The following HTATSF1 variants were observed in gnomAD, a reference collection of about 807,000 sequenced individuals.
HTATSF1 encodes the protein HIV-1 Tat specific factor 1.
A neutral mutation model predicts 46.1 loss-of-function variants in HTATSF1; 6 were observed. The ratio of observed to expected loss-of-function variants is 0.13; its 90% CI spans 0.07 to 0.26. The LOEUF is 0.26. Among genes scored for constraint, HTATSF1 ranks in the 10% least tolerant of loss-of-function variants. The pLI is 1.00. For synonymous variants in HTATSF1, 226 were observed against 211.5 expected (o/e 1.07, Z -0.60); for missense variants, 452 against 559.9 (o/e 0.81, Z 1.94).
rs748514217 is a variant in HTATSF1 at position 136,497,670 on chromosome X, A to G, written c.-15A>G. ...TTAGTTCTTCTGAACCCTGCTCCTG[A>G]GCTAGGTAGGAAACATGAGCGGCAC... On this transcript the variant is annotated 5_prime_UTR_variant, in exon 1 of 9. Coordinates refer to ENST00000218364, the MANE Select transcript of HTATSF1 (RefSeq NM_014500.5). 1.4e-5 allele frequency: 17 copies of G among 1,175,181 alleles called. No individual in the cohort carries two copies. The highest frequency in any genetic ancestry group is 2.3e-6 in the Non-Finnish European group (2 of 869,363).
Position 136,508,958 on chromosome X carries a change from T to A in HTATSF1, c.835-133T>A, listed in dbSNP as rs141679477. On this transcript the variant is annotated intron_variant, in intron 6 of 8. Transcript: ENST00000218364. ...ATTTGATTTTGAGTTTTTAAAAAAT[T>A]GTATAGAATGAAAAACACAACCTTA... The A allele has an allele frequency of 3.7e-3, 1,778 of 474,448 alleles. 4 individuals carry two copies. Among genetic ancestry groups the A allele is most frequent in the Non-Finnish European group, 5.3e-3 (1,445 of 273,667 alleles). 39.1% of individuals were successfully genotyped at this position (474,448 alleles called of 1,213,427 possible).
upstream of HTATSF1, chrX:136,497,547 T>C: frequency 2.3e-6 from 1 of 433,294 alleles, no homozygotes; most frequent in Non-Finnish European, 3.7e-6. Context: ...CGGGGACTGC[T>C]GGGGCGCAGC....
chrX:136,509,420 G>A (rs759964011), intron 7 of HTATSF1, among the ~76,000 whole-genome samples: 1 of 111,811 alleles, frequency 8.9e-6, no homozygotes, highest in South Asian at 3.7e-4. Context: ...ACATGATCAG[G>A]TGAAAGAAGG....
Position 136,497,660 on chromosome X carries a change from C to G in HTATSF1, c.-25C>G. The G allele has an allele frequency of 2.6e-6, 3 of 1,159,807 alleles. No individual in the cohort carries two copies. Among genetic ancestry groups the G allele is most frequent in the Non-Finnish European group, 3.5e-6 (3 of 858,839 alleles). On this transcript the variant is annotated 5_prime_UTR_variant, in exon 1 of 9. Transcript: ENST00000218364. Reference sequence around the variant, plus strand: ...TTTCGGCCTCTTAGTTCTTCTGAACCCTGCTCCTGAGCTAGGTAGGAAACA... The same window carrying G: ...TTTCGGCCTCTTAGTTCTTCTGAACGCTGCTCCTGAGCTAGGTAGGAAACA...
At position 136,511,315 on chromosome X, in the gene HTATSF1, G is replaced by T; in HGVS notation, c.1570G>T (p.Asp524Tyr). 2 of 1,206,329 alleles carry T rather than the reference G, an allele frequency of 1.7e-6. No individual in the cohort carries two copies. Among genetic ancestry groups the T allele is most frequent in the East Asian group, 5.9e-5 (2 of 33,815 alleles). ...TGGCCTTGCAAAGGAATCTGAAGAT[G>T]ACCTCAACAAGGAGTCTGAAGAGGA... is the stretch of plus-strand genomic sequence containing the variant. Reference protein sequence around the residue: ...ENGLAKESEDDLNKESEEEVG... With the variant: ...ENGLAKESEDYLNKESEEEVG... Residue 524 changes from aspartate to tyrosine, a missense_variant, in exon 9 of 9, where the codon GAC (aspartate) becomes TAC (tyrosine). Coordinates refer to ENST00000218364, the MANE Select transcript of HTATSF1 (RefSeq NM_014500.5).
intron 8 of HTATSF1, 99 bp from the exon 9 acceptor site, chrX:136,510,709 C>CT: frequency 1.1e-6 from 1 of 912,461 alleles, no homozygotes; most frequent in Non-Finnish European, 1.5e-6. Flanking sequence ...ATAAGAGATG[C>CT]TTTATAAAAT....
chrX:136,510,317 A>T, intron 8 of HTATSF1, 98 bp downstream of exon 8: 1 of 623,640 alleles, frequency 1.6e-6, no homozygotes, highest in East Asian at 3.9e-5. Flanking sequence ...AACCTATTTA[A>T]TGTAACAATG....
chrX:136,500,295 G>A (rs2075712313), intron 3 of HTATSF1, 90 bp downstream of exon 3: 1 of 616,093 alleles, frequency 1.6e-6, no homozygotes, highest in Admixed American at 3.1e-5. Flanking sequence ...AGTTTCTCCA[G>A]AGTCCATTTT....
upstream of HTATSF1, chrX:136,497,509 G>A: frequency 3.5e-6 from 1 of 286,905 alleles, no homozygotes; most frequent in Non-Finnish European, 6.0e-6. Flanking sequence ...GAGGGGGGCG[G>A]TGCAGCCGCC....
intron 8 of HTATSF1, among the ~76,000 whole-genome samples, chrX:136,510,499 A>C (rs776163831): frequency 9.8e-4 from 110 of 112,675 alleles, no homozygotes; most frequent in African/African-American, 3.4e-3. Context: ...TAAGAAAAGA[A>C]CACATTCAAC....
intron 4 of HTATSF1, 29 bp downstream of exon 4, chrX:136,500,847 G>A: frequency 3.0e-6 from 3 of 1,016,780 alleles, no homozygotes; most frequent in Non-Finnish European, 3.9e-6. Flanking sequence ...TAAGTTTCTT[G>A]TATCTTCGTT....
Position 136,508,265 on chromosome X carries a change from A to T in HTATSF1, c.835-826A>T, listed in dbSNP as rs183948971. On this transcript the variant is annotated intron_variant, in intron 6 of 8. Transcript: ENST00000218364. ...AGTCACCTTCAATAGAAATTTGTAG[A>T]TAGGATATCTTCATTTATATTTGTA... Among the ~76,000 whole-genome samples the T allele has an allele frequency of 1.2e-4, 13 of 112,426 alleles. No homozygotes were observed. The East Asian group carries it at 3.6e-3, about 31-fold the overall frequency.
At chrX:136,500,391 A>G (rs1364959854) in intron 3 of HTATSF1, among the ~76,000 whole-genome samples, 186 bp downstream of exon 3, 1 of 112,030 alleles carries the variant, frequency 8.9e-6, no homozygotes, top group African/African-American at 3.2e-5. Context: ...TTAGTGTGTA[A>G]CTTTGCATAC....
chrX:136,503,875 A>AT (rs1432515880), intron 5 of HTATSF1, among the ~76,000 whole-genome samples: 1 of 110,294 alleles, frequency 9.1e-6, no homozygotes, highest in African/African-American at 3.3e-5. Flanking sequence ...ATTTTATTTT[A>AT]TTTTATTTAT....
chrX:136,501,184 G>A (rs1024375075), intron 4 of HTATSF1, among the ~76,000 whole-genome samples: 12 of 111,881 alleles, frequency 1.1e-4, no homozygotes, highest in African/African-American at 6.5e-5. Context: ...TTACACCAGG[G>A]TTCAGCAAAC....
chrX:136,501,293 T>G (rs894003121), intron 4 of HTATSF1, among the ~76,000 whole-genome samples: 9 of 112,497 alleles, frequency 8.0e-5, no homozygotes, highest in Non-Finnish European at 1.7e-4. Context: ...CTGATAGGGT[T>G]GAGTGGTTGC....
intron 1 of HTATSF1, 56 bp from the exon 2 acceptor site, chrX:136,499,542 A>G (rs2075707810): frequency 5.5e-6 from 5 of 915,378 alleles, no homozygotes; most frequent in Non-Finnish European, 7.3e-6. Flanking sequence ...TAAACTTCTT[A>G]TGAGTGGAAA....
At chrX:136,503,201 A>G (rs1031746534) in intron 5 of HTATSF1, among the ~76,000 whole-genome samples, 12 of 111,963 alleles carry the variant, frequency 1.1e-4, no homozygotes, top group Admixed American at 2.8e-4. Flanking sequence ...AAAACGTTGA[A>G]CATCAAATTA....
At position 136,511,666 on chromosome X, in the gene HTATSF1, G is replaced by A. The variant is rs1569355772; in HGVS notation, c.1921G>A (p.Glu641Lys). 1 of 1,210,612 alleles carries A rather than the reference G, an allele frequency of 8.3e-7. No homozygotes were observed. Among genetic ancestry groups the A allele is most frequent in the Non-Finnish European group, 1.1e-6 (1 of 894,825 alleles). The change falls in exon 9 of 9, where the codon GAG (glutamate) becomes AAG (lysine). Residue 641 changes from glutamate to lysine, a missense_variant. Glu to Lys is a moderately conservative substitution (Grantham distance 56, BLOSUM62 1). Transcript: ENST00000218364. ...TACATATGAAAAAGTATTTGATGAT[G>A]AGTCTGATGAGAAAGAGGATGAAGA... ...EDTYEKVFDD[E>K]SDEKEDEEYA...
Sources: allele counts gnomAD v4.1 joint callset (sites outside exome capture counted in the v4.1 genomes callset), GRCh38; gene constraint gnomAD v4.1.1; transcripts MANE v1.5; gene names NCBI Gene and HGNC (gene_info 2026-07-23, HGNC 2026-07-21).